The following ARMC2 variants were observed in gnomAD, a reference collection of about 807,000 sequenced individuals.
The protein encoded by ARMC2 is armadillo repeat-containing protein 2.
A neutral mutation model predicts 90.3 loss-of-function variants in ARMC2; 67 were observed. The ratio of observed to expected loss-of-function variants is 0.74; its 90% confidence interval spans 0.61 to 0.91. The LOEUF (loss-of-function observed/expected upper bound fraction) is 0.91, where lower values mean the gene tolerates loss of function less well. ARMC2 is among the 40% of genes least tolerant of loss of function. The pLI, the probability that ARMC2 is intolerant of heterozygous loss-of-function variation, is 0.00. For synonymous variants in ARMC2, 393 were observed against 393.0 expected, an observed-to-expected ratio of 1.00 and a Z score of 0.00; for missense variants, 920 against 1,030.9, an observed-to-expected ratio of 0.89 and a Z score of 1.47.
chr6:108,855,333 C>G (rs1774452267), intron 2 of ARMC2, among the ~76,000 whole-genome samples: 1 of 151,122 alleles, frequency 6.6e-6, no homozygotes, highest in Non-Finnish European at 1.5e-5. Flanking sequence ...ACTGCAAGCT[C>G]TGCCTCCCGG....
At chr6:108,948,975 C>G (rs1776990068) in intron 12 of ARMC2, among the ~76,000 whole-genome samples, 1 of 151,920 alleles carries the variant, frequency 6.6e-6, no homozygotes, top group Non-Finnish European at 1.5e-5. Context: ...GAGCTGGACT[C>G]AGAGAAAAGC....
the ARMC2 span, among the ~76,000 whole-genome samples, chr6:109,013,687 AT>A: frequency 1.3e-5 from 2 of 152,254 alleles, no homozygotes; most frequent in Non-Finnish European, 2.9e-5. Flanking sequence ...GTTAGAAAAC[AT>A]ACAGTAATGG....
intron 3 of ARMC2, among the ~76,000 whole-genome samples, chr6:108,863,703 T>G (rs1467089017): frequency 6.6e-6 from 1 of 152,192 alleles, no homozygotes; most frequent in African/African-American, 2.4e-5. Flanking sequence ...ACTTACCGAG[T>G]CCAGTGATGT....
chr6:108,904,342 G>A lies in ARMC2; in HGVS notation c.960G>A (p.Leu320=), dbSNP rs748206573. The A allele has an allele frequency of 1.9e-6, 3 of 1,613,412 alleles. No homozygotes were observed. In the Admixed American group the frequency reaches 5.0e-5, roughly 27 times the overall value. ...GAAGAAGTATTCTCCTGAAGACCCT[G>A]TGTAAACTAGTTGATGTTGGTTCAG... ...FKGRSILLKT[L]CKLVDVGSDS... Residue 320 remains leucine, a synonymous_variant, in exon 8 of 18, where the codon CTG becomes CTA. Transcript: ENST00000392644.
At chr6:108,986,819 GCTT>G in the ARMC2 span, 8 of 152,180 alleles carry the variant, frequency 5.3e-5, no homozygotes, top group Non-Finnish European at 7.4e-5. Flanking sequence ...AAGATCGCCA[GCTT>G]CTTATAATTT....
chr6:109,052,974 G>A, the ARMC2 span, among the ~76,000 whole-genome samples: 1 of 152,128 alleles, frequency 6.6e-6, no homozygotes, highest in Non-Finnish European at 1.5e-5. Context: ...ATTGAAAGTT[G>A]TAAATGTTAG....
the ARMC2 span, among the ~76,000 whole-genome samples, chr6:109,044,746 G>A: frequency 6.6e-6 from 1 of 151,876 alleles, no homozygotes; most frequent in Admixed American, 6.6e-5. Context: ...GAACTCAGCC[G>A]GGCGCAGTGG....
At chr6:108,972,701 T>C (rs898673015) in intron 17 of ARMC2, among the ~76,000 whole-genome samples, 6 of 152,304 alleles carry the variant, frequency 3.9e-5, no homozygotes, top group Non-Finnish European at 7.4e-5. Context: ...TCTCTCTGTG[T>C]CTCTTAGGCT....
the ARMC2 span, among the ~76,000 whole-genome samples, chr6:108,988,923 C>T: frequency 6.6e-6 from 1 of 152,100 alleles, no homozygotes; most frequent in Non-Finnish European, 1.5e-5. Flanking sequence ...GTAAATCATT[C>T]CTGAAAGCTG....
intron 4 of ARMC2, among the ~76,000 whole-genome samples, chr6:108,870,559 G>C (rs577608739): frequency 2.5e-5 from 3 of 118,784 alleles, no homozygotes; most frequent in African/African-American, 7.8e-5. Context: ...AAGGAAGAGA[G>C]GGAAGGAGAG....
chr6:109,001,632 T>C, the ARMC2 span: 79 of 697,040 alleles, frequency 1.1e-4, no homozygotes, highest in East Asian at 2.0e-3. Context: ...TAAACTCAAC[T>C]GGTTGAAAGA....
At chr6:109,003,744 T>C in the ARMC2 span, among the ~76,000 whole-genome samples, 23 of 152,270 alleles carry the variant, frequency 1.5e-4, no homozygotes, top group Non-Finnish European at 2.4e-4. Flanking sequence ...CCAGAGGACA[T>C]CCCTGTTATT....
the ARMC2 span, among the ~76,000 whole-genome samples, chr6:108,992,560 A>G: frequency 6.6e-6 from 1 of 152,252 alleles, no homozygotes; most frequent in Non-Finnish European, 1.5e-5. Flanking sequence ...AAATACTTAC[A>G]TATTTAAATA....
At chr6:108,987,647 A>G in the ARMC2 span, 1,248 of 1,362,016 alleles carry the variant, frequency 9.2e-4, 1 homozygote, top group Non-Finnish European at 1.3e-3. Flanking sequence ...ATAAAATACA[A>G]CATCATATAA....
intron 10 of ARMC2, 39 bp from the exon 11 acceptor site, chr6:108,928,049 C>T: frequency 6.4e-7 from 1 of 1,564,632 alleles, no homozygotes; most frequent in Non-Finnish European, 8.6e-7. Flanking sequence ...TATATTTTTT[C>T]AGTTCAAAAA....
chr6:108,854,294 A>T lies in ARMC2; in HGVS notation c.27A>T (p.Leu9Phe), dbSNP rs1489796834. ...TGCTGTCTCCAAATGATAAAATGTT[A>T]GGAAAACTGGATCCATTTTATCAAC... The part of the protein sequence containing the change: MLSPNDKM[L>F]GKLDPFYQPS... The change falls in exon 2 of 18, where the codon TTA becomes TTT. Residue 9 changes from leucine (L) to phenylalanine (F), a missense_variant. Transcript: ENST00000392644. 6.2e-7 allele frequency: 1 copy of T among 1,610,338 alleles called. No homozygotes were observed. The highest frequency in any genetic ancestry group is 8.5e-7 in the Non-Finnish European group (1 of 1,178,372).
intron 4 of ARMC2, among the ~76,000 whole-genome samples, 180 bp downstream of exon 4, chr6:108,869,175 T>C (rs2128429190): frequency 6.6e-6 from 1 of 152,342 alleles, no homozygotes; most frequent in South Asian, 2.1e-4. Flanking sequence ...TGGGTGCTTA[T>C]AAGGAATACC....
intron 2 of ARMC2, among the ~76,000 whole-genome samples, chr6:108,857,254 T>TAAA (rs1020673043): frequency 2.0e-5 from 3 of 152,248 alleles, no homozygotes; most frequent in African/African-American, 7.2e-5. Flanking sequence ...CTGAGTTTTA[T>TAAA]AGCTTTCCTC....
At chr6:108,915,486 T>C (rs1773861564) in intron 10 of ARMC2, among the ~76,000 whole-genome samples, 1 of 152,112 alleles carries the variant, frequency 6.6e-6, no homozygotes, top group Non-Finnish European at 1.5e-5. Context: ...AGAACTTCGC[T>C]TGCTTTAACA....
Sources: gnomAD v4.1 joint callset for allele counts (sites outside exome capture counted in the v4.1 genomes callset) on GRCh38, gnomAD v4.1.1 for gene constraint, MANE v1.5 for transcripts, NCBI Gene and HGNC (gene_info 2026-07-23, HGNC 2026-07-21) for gene names.